CHD2: variants seen among roughly 807,000 people sequenced by gnomAD.
CHD2 encodes chromodomain helicase DNA binding protein 2, also known as ATP-dependent chromatin remodeler CHD2.
CHD2 carries 28 observed loss-of-function variants against 243.9 expected under a neutral mutation model. That is an observed-to-expected ratio of 0.11 (90% CI 0.09 to 0.16). CHD2 has a LOEUF of 0.16. Among genes scored for constraint, CHD2 ranks in the 10% least tolerant of loss-of-function variants. The pLI, the probability that CHD2 is intolerant of heterozygous loss-of-function variation, is 1.00. For synonymous variants in CHD2, 775 were observed against 779.0 expected, an observed-to-expected ratio of 0.99 and a Z score of 0.09; for missense variants, 1,386 against 2,209.8, an observed-to-expected ratio of 0.63 and a Z score of 7.47.
intron 2 of CHD2, among the ~76,000 whole-genome samples, chr15:92,912,658 T>C (rs1430930777): frequency 6.6e-6 from 1 of 152,220 alleles, no homozygotes; most frequent in African/African-American, 2.4e-5. Context: ...CTCAGCCTTC[T>C]GAGTAGCTGG....
At chr15:92,927,148 C>A in intron 3 of CHD2, 96 bp from the exon 4 acceptor site, 1 of 892,234 alleles carries the variant, frequency 1.1e-6, no homozygotes. Flanking sequence ...CCTTTTGATA[C>A]TTGGTTACTT....
At chr15:92,930,924 G>T (rs894983173) in intron 5 of CHD2, among the ~76,000 whole-genome samples, 3 of 152,094 alleles carry the variant, frequency 2.0e-5, no homozygotes, top group African/African-American at 7.2e-5. Context: ...TTGGGCACTG[G>T]GCTAGCCTTC....
intron 26 of CHD2, among the ~76,000 whole-genome samples, chr15:92,988,926 G>A (rs1397774946): frequency 2.0e-5 from 3 of 150,716 alleles, no homozygotes; most frequent in African/African-American, 7.3e-5. Flanking sequence ...ATTTATAATA[G>A]CTGATTAGCA....
Position 92,998,719 on chromosome 15 carries a change from A to C in CHD2, c.4008+98A>C. 7.1e-7 allele frequency: 1 copy of C among 1,401,318 alleles called. No individual in the cohort carries two copies. The highest frequency in any genetic ancestry group is 1.4e-5 in the South Asian group (1 of 70,732). The allele number at this position is 1,401,318 out of a possible 1,614,324, so 86.8% of individuals were successfully genotyped here. On this transcript the variant is annotated intron_variant, in intron 31 of 38. Coordinates refer to ENST00000394196, the MANE Select transcript of CHD2 (RefSeq NM_001271.4). The surrounding 1 kb of genome is among the most constrained non-coding windows in gnomAD (Gnocchi z 5.1). ...GAGGCCCTCTCTGAGCACTGCACAG[A>C]ATGTCACCTTCTCATGGGCATATTT...
chr15:93,006,234 C>A (rs1478580466), intron 34 of CHD2, among the ~76,000 whole-genome samples: 1 of 147,920 alleles, frequency 6.8e-6, no homozygotes, highest in Non-Finnish European at 1.5e-5. Flanking sequence ...TCAAGCAGTT[C>A]TCCTGCCTCA....
chr15:93,004,766 C>CGG lies in CHD2; in HGVS notation c.4413+20_4413+21dup, dbSNP rs769684117. ...CATTCAGCATAGTAAGTCTTGAAAT[C>CGG]GGGGGGTGCCAGTGTCTGCAGCCGC... is the stretch of plus-strand genomic sequence containing the variant. On this transcript the variant is annotated intron_variant, in intron 34 of 38. Transcript: ENST00000394196. The CGG allele has an allele frequency of 1.9e-6, 3 of 1,607,722 alleles. No individual in the cohort carries two copies. In the East Asian group the frequency reaches 6.7e-5, roughly 36 times the overall value.
At position 92,946,196 on chromosome 15, in the gene CHD2, A is replaced by T. The variant is rs144393676; in HGVS notation, c.1357A>T (p.Ile453Phe). Residue 453 changes from isoleucine to phenylalanine, a missense_variant, in exon 12 of 39, where the codon ATC (isoleucine) becomes TTC (phenylalanine). This residue lies in a region of CHD2 where 200 missense variants were observed against 292.5 expected (regional missense o/e 0.68). Transcript: ENST00000394196. ...CCACAGTAGGAACAACTCAAAAACC[A>T]TCCCAACAAGAGAATGCAAGGTATG... The part of the protein sequence containing the change: ...SFHSRNNSKT[I>F]PTRECKALKQ... The T allele has an allele frequency of 3.1e-6, 5 of 1,611,478 alleles. No homozygotes were observed. The highest frequency in any genetic ancestry group is 1.7e-5 in the Admixed American group (1 of 59,476).
At chr15:92,924,245 C>A in intron 2 of CHD2, 76 bp from the exon 3 acceptor site, 2 of 1,311,214 alleles carry the variant, frequency 1.5e-6, no homozygotes, top group East Asian at 2.4e-5. Flanking sequence ...AATGTTTTAC[C>A]ATGAGAATTT....
chr15:92,933,510 G>C (rs563993800), intron 5 of CHD2, among the ~76,000 whole-genome samples: 1 of 152,222 alleles, frequency 6.6e-6, no homozygotes, highest in African/African-American at 2.4e-5. Context: ...ATGCTGTTTT[G>C]ATTAAACTCT....
At chr15:92,912,596 C>T (rs1484686984) in intron 2 of CHD2, among the ~76,000 whole-genome samples, 3 of 152,178 alleles carry the variant, frequency 2.0e-5, no homozygotes, top group Admixed American at 1.3e-4. Context: ...TGCAATGGCT[C>T]GATCTTGGCT....
chr15:92,965,565 CAAAAAA>C (rs61447848), intron 16 of CHD2, among the ~76,000 whole-genome samples: 1,162 of 110,810 alleles, frequency 0.01, 10 homozygotes, highest in African/African-American at 0.049. Flanking sequence ...ACTCTTTCTC[CAAAAAA>C]AAAAAAAAAA....
rs2053887874 is a variant in CHD2 at position 92,974,926 on chromosome 15, C to T, written c.2553C>T (p.Asp851=). The T allele has an allele frequency of 2.5e-6, 4 of 1,613,634 alleles. No individual in the cohort carries two copies. The highest frequency in any genetic ancestry group is 1.3e-5 in the African/African-American group (1 of 74,912). The change falls in exon 20 of 39, where the codon GAC becomes GAT. Residue 851 remains aspartate, a synonymous_variant. Coordinates refer to ENST00000394196, the MANE Select transcript of CHD2 (RefSeq NM_001271.4). The stretch of plus-strand genomic sequence containing the variant: ...GAGAAATCCGAAAACAGGCACTGGA[C>T]CACTTCAATGCAGATGGGTCTGAGG... ...IKGEIRKQAL[D]HFNADGSEDF... is the part of the protein sequence containing the mutation.
At chr15:93,013,928 C>CAAA (rs35774813) in intron 36 of CHD2, among the ~76,000 whole-genome samples, 11 of 64,148 alleles carry the variant, frequency 1.7e-4, no homozygotes, top group African/African-American at 7.0e-4. Flanking sequence ...GACTCTGTCT[C>CAAA]AAAAAAAAAA....
At chr15:92,923,691 G>A (rs946359601) in intron 2 of CHD2, among the ~76,000 whole-genome samples, 5 of 150,134 alleles carry the variant, frequency 3.3e-5, no homozygotes, top group African/African-American at 1.2e-4. Context: ...TCAGTCTCCC[G>A]AGTAGCTTAG....
intron 37 of CHD2, 28 bp from the exon 38 acceptor site, chr15:93,019,984 C>A: frequency 6.3e-7 from 1 of 1,597,316 alleles, no homozygotes; most frequent in South Asian, 1.1e-5. Flanking sequence ...TTCTTGCAGT[C>A]ATCAGATCAT....
At chr15:92,989,025 C>CTTTTTT (rs34298248) in intron 26 of CHD2, among the ~76,000 whole-genome samples, 19 of 76,506 alleles carry the variant, frequency 2.5e-4, no homozygotes, top group Admixed American at 3.7e-4. Flanking sequence ...ATACTTCATA[C>CTTTTTT]TTTTTTTTTT....
chr15:92,982,913 G>A (rs1273571589), intron 24 of CHD2, among the ~76,000 whole-genome samples: 1 of 152,154 alleles, frequency 6.6e-6, no homozygotes, highest in African/African-American at 2.4e-5. Flanking sequence ...CGTAGACTGG[G>A]TGGTTTATAA....
chr15:92,984,500 G>T lies in CHD2; in HGVS notation c.3237G>T (p.Lys1079Asn). ...MLPRIRSSTK[K>N]AQTNDSDSDT... is the part of the protein sequence containing the mutation. The stretch of plus-strand genomic sequence containing the variant: ...CTCGAATTCGGAGTTCCACTAAAAA[G>T]GTGATCAAGTGAGATGAAAGATATG... Residue 1079 changes from lysine (K) to asparagine (N), a missense_variant and splice_region_variant, in exon 25 of 39, where the codon AAG (lysine) becomes AAT (asparagine). Coordinates refer to ENST00000394196, the MANE Select transcript of CHD2 (RefSeq NM_001271.4). The T allele has an allele frequency of 6.2e-7, 1 of 1,607,986 alleles. No individual in the cohort carries two copies. Among genetic ancestry groups the T allele is most frequent in the Non-Finnish European group, 8.5e-7 (1 of 1,177,182 alleles).
At chr15:92,940,982 AATATATATAT>A (rs1222659748) in intron 7 of CHD2, among the ~76,000 whole-genome samples, 202 of 125,790 alleles carry the variant, frequency 1.6e-3, no homozygotes, top group African/African-American at 4.9e-3. Context: ...TATAAATATA[AATATATATAT>A]AAATATATAT....
Sources: allele counts gnomAD v4.1 joint callset (sites outside exome capture counted in the v4.1 genomes callset), GRCh38; gene constraint gnomAD v4.1.1; regional missense constraint gnomAD v4.1.1; non-coding constraint Gnocchi (gnomAD v3.1); transcripts MANE v1.5; gene names NCBI Gene and HGNC (gene_info 2026-07-23, HGNC 2026-07-21).